ADCY9: variants seen among roughly 807,000 people sequenced by gnomAD.
ADCY9 encodes adenylate cyclase type 9.
Under a neutral mutation model 101.5 loss-of-function variants are expected in ADCY9, and 50 were observed. That is an observed-to-expected ratio of 0.49 (90% CI 0.39 to 0.62). ADCY9 has a LOEUF of 0.62. Ranked by LOEUF, ADCY9 falls within the 20% of genes least tolerant of loss-of-function variation. The pLI, the probability that ADCY9 is intolerant of heterozygous loss-of-function variation, is 0.00. For missense variants in ADCY9, 1,662 were observed against 1,800.4 expected (o/e 0.92, Z 1.39); for synonymous variants, 905 against 769.3 (o/e 1.18, Z -2.92).
chr16:3,992,206 C>A lies in ADCY9; in HGVS notation c.2147G>T (p.Arg716Met), dbSNP rs150564905. Residue 716 changes from arginine to methionine, a missense_variant, in exon 5 of 11, where the codon AGG becomes ATG. Arg to Met is a moderately conservative substitution (Grantham distance 91). Coordinates refer to ENST00000294016, the MANE Select transcript of ADCY9 (RefSeq NM_001116.4). The surrounding 1 kb of genome is among the most constrained non-coding windows in gnomAD (Gnocchi z 4.2). The part of the protein sequence containing the change: ...SLDQSALLPL[R>M]FKNIREKTDA... ...CGTTTTCTCCCGGATGTTCTTGAAC[C>A]TCAGCGGAAGGAGAGCCGACTGGTC... is the stretch of plus-strand genomic sequence containing the variant. 1 of 1,614,088 alleles carries A rather than the reference C, an allele frequency of 6.2e-7. No homozygotes were observed. The highest frequency in any genetic ancestry group is 8.5e-7 in the Non-Finnish European group (1 of 1,180,054).
intron 4 of ADCY9, among the ~76,000 whole-genome samples, chr16:3,993,158 C>A (rs899421180): frequency 6.6e-6 from 1 of 152,172 alleles, no homozygotes; most frequent in African/African-American, 2.4e-5. Flanking sequence ...GCATTTTAAA[C>A]CCTTATTGGC....
intron 2 of ADCY9, among the ~76,000 whole-genome samples, chr16:4,069,114 A>G (rs147539530): frequency 3.5e-4 from 53 of 152,294 alleles, no homozygotes; most frequent in African/African-American, 1.3e-3. Flanking sequence ...AAATGTCCTC[A>G]AAAAGGTTTC....
intron 2 of ADCY9, among the ~76,000 whole-genome samples, chr16:4,086,130 C>A (rs529507201): frequency 2.0e-5 from 3 of 151,480 alleles, no homozygotes; most frequent in Non-Finnish European, 2.9e-5. Context: ...GGGAAGGTGG[C>A]GACGCAATGA....
rs748891359 is a variant in ADCY9, at chr16:3,965,932, T to A, written c.3905A>T (p.Lys1302Met). Residue 1302 changes from lysine to methionine, a missense_variant, in exon 11 of 11, where the codon AAG (lysine) becomes ATG (methionine). Lys to Met is a moderately conservative substitution (Grantham distance 95, BLOSUM62 -1). This residue lies in a region of ADCY9 where 168 missense variants were observed against 155.3 expected (regional missense o/e 1.08). Coordinates refer to ENST00000294016, the MANE Select transcript of ADCY9 (RefSeq NM_001116.4). ...TCTCTTGGGGGACAGGTGGGCATCC[T>A]TGGCCTGCGTGCTGCTGTCAGAACC... ...SLGSDSSTQA[K>M]DAHLSPKRPW... The A allele has an allele frequency of 3.1e-6, 5 of 1,614,192 alleles. No homozygotes were observed. In the South Asian group the frequency reaches 5.5e-5, roughly 18 times the overall value.
intron 2 of ADCY9, among the ~76,000 whole-genome samples, chr16:4,022,942 C>T (rs1001086272): frequency 6.6e-6 from 1 of 152,200 alleles, no homozygotes; most frequent in African/African-American, 2.4e-5. Flanking sequence ...CTTACATTGA[C>T]TCTGTCTTAT....
rs2601780 is a variant in ADCY9 at position 3,964,012 on chromosome 16, T to C, written c.*1763A>G. 1 allele frequency: 152,613 copies of C among 152,668 alleles called. 76,279 individuals carry two copies. Among genetic ancestry groups the C allele is most frequent in the Middle Eastern group, 1 (294 of 294 alleles). The allele number at this position is 152,668 out of a possible 1,614,324, so 9.5% of individuals were successfully genotyped here. On this transcript the variant is annotated 3_prime_UTR_variant, in exon 11 of 11. Transcript: ENST00000294016. ...CTGGACTCTCAGGACGCCGGGACCC[T>C]GGCTCTGGCTGTCCTGATGGGTGGC...
chr16:3,959,890 G>C (rs1021263363), downstream of ADCY9, among the ~76,000 whole-genome samples: 7 of 152,040 alleles, frequency 4.6e-5, no homozygotes, highest in Non-Finnish European at 8.8e-5. Context: ...GCTAGGCGTG[G>C]TGGCGCATGC....
intron 2 of ADCY9, among the ~76,000 whole-genome samples, chr16:4,009,797 C>G (rs2056391574): frequency 6.6e-6 from 1 of 152,208 alleles, no homozygotes; most frequent in South Asian, 2.1e-4. Context: ...TTAAAAAATG[C>G]AACCTATGTG....
intron 2 of ADCY9, among the ~76,000 whole-genome samples, chr16:4,089,012 A>C (rs1158117147): frequency 6.6e-6 from 1 of 151,916 alleles, no homozygotes; most frequent in Non-Finnish European, 1.5e-5. Context: ...GGCCATCACT[A>C]ATCTACTTTG....
In ADCY9 at chr16:4,076,723, A is replaced by AT. The variant is rs950027896; in HGVS notation, c.1693+37026dup. Among the ~76,000 whole-genome samples, 11 of 150,610 alleles carry AT rather than the reference A, an allele frequency of 7.3e-5. No individual in the cohort carries two copies. In the South Asian group the frequency reaches 1.1e-3, roughly 14 times the overall value. On this transcript the variant is annotated intron_variant, in intron 2 of 10. Transcript: ENST00000294016. ...CAAAGAGAACCAAATGGCATCAATA[A>AT]TTTTTTTTTTAGACAAGGTCTTGCT...
chr16:4,028,535 A>T (rs1001289631), intron 2 of ADCY9, among the ~76,000 whole-genome samples: 1 of 152,208 alleles, frequency 6.6e-6, no homozygotes, highest in Non-Finnish European at 1.5e-5. Flanking sequence ...ATTATATGAA[A>T]TGTCTAGAAA....
Position 3,965,782 on chromosome 16 carries a change from C to G in ADCY9, c.4055G>C (p.Ser1352Thr). 6.2e-7 allele frequency: 1 copy of G among 1,611,072 alleles called. No homozygotes were observed. Among genetic ancestry groups the G allele is most frequent in the Non-Finnish European group, 8.5e-7 (1 of 1,178,310 alleles). Residue 1352 changes from serine (S) to threonine (T), a missense_variant, in exon 11 of 11, where the codon AGT becomes ACT. Ser to Thr is a moderately conservative substitution (Grantham distance 58). Transcript: ENST00000294016. ...CAGCGGGTGGGCGCCGCCTCACACA[C>G]TCTTTGAAACGTTGAGCTTGGTGAG... Reference protein sequence around the residue: ...NELTKLNVSKSV With the variant: ...NELTKLNVSKTV
At chr16:4,089,436 G>A (rs747588843) in intron 2 of ADCY9, among the ~76,000 whole-genome samples, 15 of 152,048 alleles carry the variant, frequency 9.9e-5, no homozygotes, top group Non-Finnish European at 1.9e-4. Flanking sequence ...GAGGTGCTAC[G>A]TTTTGTTGAT....
intron 2 of ADCY9, among the ~76,000 whole-genome samples, chr16:4,011,469 G>T (rs1789393125): frequency 1.3e-5 from 2 of 152,322 alleles, no homozygotes; most frequent in South Asian, 4.1e-4. Flanking sequence ...CAGCGGGTGG[G>T]AAGTTGGGAG....
chr16:3,983,015 C>T (rs1198143558), intron 7 of ADCY9: 2 of 586,142 alleles, frequency 3.4e-6, no homozygotes, highest in East Asian at 2.8e-5. Flanking sequence ...GGAGGCACCG[C>T]CCCCTCCAGC....
intron 2 of ADCY9, among the ~76,000 whole-genome samples, chr16:4,057,746 G>A (rs984940151): frequency 5.3e-5 from 8 of 152,112 alleles, no homozygotes; most frequent in Non-Finnish European, 7.4e-5. Context: ...GCGGAGGCCC[G>A]GGGAGCATTT....
intron 2 of ADCY9, among the ~76,000 whole-genome samples, chr16:4,044,956 G>A (rs2056652907): frequency 6.6e-6 from 1 of 152,126 alleles, no homozygotes; most frequent in African/African-American, 2.4e-5. Flanking sequence ...CTCTTTACGA[G>A]ATGAGGCTGT....
intron 2 of ADCY9, among the ~76,000 whole-genome samples, chr16:4,046,897 C>A (rs2056668770): frequency 6.6e-6 from 1 of 152,020 alleles, no homozygotes; most frequent in Non-Finnish European, 1.5e-5. Flanking sequence ...GCAGTCCCAG[C>A]TACTTGGGAG....
chr16:4,014,462 T>A (rs947253769), intron 2 of ADCY9, among the ~76,000 whole-genome samples: 4 of 152,132 alleles, frequency 2.6e-5, no homozygotes, highest in African/African-American at 9.7e-5. Flanking sequence ...TTTTGTTTTT[T>A]TTTGAGACAG....
Sources: allele counts gnomAD v4.1 joint callset (sites outside exome capture counted in the v4.1 genomes callset), GRCh38; gene constraint gnomAD v4.1.1; regional missense constraint gnomAD v4.1.1; non-coding constraint Gnocchi (gnomAD v3.1); transcripts MANE v1.5; gene names NCBI Gene and HGNC (gene_info 2026-07-23, HGNC 2026-07-21).